FARS2: variants seen among roughly 807,000 people sequenced by gnomAD.
FARS2 encodes the protein phenylalanyl-tRNA synthetase 2, mitochondrial.
In FARS2, 40 loss-of-function variants were observed where a neutral mutation model predicts 46.4. The ratio of observed to expected loss-of-function variants is 0.86; its 90% CI spans 0.67 to 1.12. FARS2 has a LOEUF of 1.12. FARS2 is among the 50% of genes most tolerant of loss of function. The pLI is 0.00. For synonymous variants in FARS2, 234 were observed against 214.9 expected, an observed-to-expected ratio of 1.09 and a Z score of -0.78; for missense variants, 513 against 567.9, an observed-to-expected ratio of 0.90 and a Z score of 0.98.
At chr6:5,659,680 C>T (rs574905485) in intron 6 of FARS2, among the ~76,000 whole-genome samples, 1 of 152,304 alleles carries the variant, frequency 6.6e-6, no homozygotes, top group African/African-American at 2.4e-5. Context: ...AACAGAGTCA[C>T]TTAAATGCTA....
intron 5 of FARS2, among the ~76,000 whole-genome samples, chr6:5,598,267 C>T (rs1774316111): frequency 6.6e-6 from 1 of 152,118 alleles, no homozygotes; most frequent in Non-Finnish European, 1.5e-5. Context: ...CCTGTAGTTC[C>T]CGCTACTCTG....
At chr6:5,519,379 G>A (rs1454194267) in intron 4 of FARS2, among the ~76,000 whole-genome samples, 1 of 152,132 alleles carries the variant, frequency 6.6e-6, no homozygotes, top group Admixed American at 6.5e-5. Context: ...GAGAGTTGAG[G>A]AAGTGGAAAC....
chr6:5,576,797 T>C (rs9328315), intron 5 of FARS2, among the ~76,000 whole-genome samples: 11,616 of 151,926 alleles, frequency 0.076, 1,436 homozygotes, highest in African/African-American at 0.26. Context: ...CCTAAATAAA[T>C]AGAATTTTAT....
chr6:5,516,850 A>G (rs2150414989), intron 4 of FARS2, among the ~76,000 whole-genome samples: 1 of 152,326 alleles, frequency 6.6e-6, no homozygotes, highest in Admixed American at 6.5e-5. Flanking sequence ...TTCCAGCTTC[A>G]GTGGTGTGCA....
At chr6:5,336,754 C>A (rs576681107) in intron 1 of FARS2, among the ~76,000 whole-genome samples, 2 of 152,160 alleles carry the variant, frequency 1.3e-5, no homozygotes, top group East Asian at 3.9e-4. Context: ...CCTATTTTTT[C>A]AGATTAGTTT....
intron 1 of FARS2, among the ~76,000 whole-genome samples, chr6:5,295,740 C>T (rs1767810047): frequency 6.6e-6 from 1 of 152,130 alleles, no homozygotes; most frequent in Non-Finnish European, 1.5e-5. Context: ...AGACTCAGTT[C>T]AGAAATAGGT....
At position 5,462,897 on chromosome 6, in the gene FARS2, A is replaced by G. The variant is rs145954720; in HGVS notation, c.904+31725A>G. 5.6e-3 allele frequency among the ~76,000 whole-genome samples: 853 copies of G among 152,366 alleles called. 11 individuals are homozygous for G. The highest frequency in any genetic ancestry group is 0.019 in the African/African-American group (779 of 41,582). ...TTTAGATCATTTAGAGAAAATCGCC[A>G]TCTCAATAGTATTGAGTTAGGATGG... is the stretch of plus-strand genomic sequence containing the variant. On this transcript the variant is annotated intron_variant, in intron 4 of 6. Coordinates refer to ENST00000274680, the MANE Select transcript of FARS2 (RefSeq NM_006567.5).
At chr6:5,443,587 G>A (rs1430775799) in intron 4 of FARS2, among the ~76,000 whole-genome samples, 1 of 152,202 alleles carries the variant, frequency 6.6e-6, no homozygotes, top group East Asian at 1.9e-4. Context: ...GCCCTGTGTA[G>A]CTTGCTGGTT....
intron 6 of FARS2, among the ~76,000 whole-genome samples, chr6:5,686,457 G>T (rs1045510502): frequency 3.9e-5 from 6 of 152,142 alleles, no homozygotes; most frequent in African/African-American, 1.4e-4. Flanking sequence ...GTGGTGTTCG[G>T]TTTTTTGTCC....
At chr6:5,425,181 A>T (rs1156684574) in intron 3 of FARS2, among the ~76,000 whole-genome samples, 2 of 152,192 alleles carry the variant, frequency 1.3e-5, no homozygotes, top group African/African-American at 4.8e-5. Flanking sequence ...AGTTAATTTT[A>T]AAAAATTATT....
chr6:5,290,155 T>C (rs1767402199), intron 1 of FARS2, among the ~76,000 whole-genome samples: 1 of 152,212 alleles, frequency 6.6e-6, no homozygotes, highest in African/African-American at 2.4e-5. Flanking sequence ...TATTTTGATA[T>C]CCATACCCTT....
At chr6:5,600,186 A>G (rs935878879) in intron 5 of FARS2, among the ~76,000 whole-genome samples, 1 of 152,252 alleles carries the variant, frequency 6.6e-6, no homozygotes, top group Non-Finnish European at 1.5e-5. Context: ...TCAAAAGTTA[A>G]TTGAATACAA....
intron 6 of FARS2, among the ~76,000 whole-genome samples, chr6:5,713,688 G>A (rs1187623770): frequency 2.6e-5 from 4 of 152,228 alleles, no homozygotes; most frequent in Non-Finnish European, 2.9e-5. Context: ...AAGGTGCAAA[G>A]AGCACCGCTA....
chr6:5,336,107 A>G (rs1450670086), intron 1 of FARS2, among the ~76,000 whole-genome samples: 1 of 152,168 alleles, frequency 6.6e-6, no homozygotes, highest in African/African-American at 2.4e-5. Flanking sequence ...TTGCAGAGGT[A>G]TAAATCTAGT....
At chr6:5,679,272 A>G (rs953923536) in intron 6 of FARS2, among the ~76,000 whole-genome samples, 2 of 152,152 alleles carry the variant, frequency 1.3e-5, no homozygotes, top group African/African-American at 4.8e-5. Flanking sequence ...GCTGCACAAG[A>G]CATTAAAACT....
chr6:5,364,605 AGTGAGTATTT>A (rs1264619464), intron 1 of FARS2, among the ~76,000 whole-genome samples: 4 of 152,120 alleles, frequency 2.6e-5, no homozygotes, highest in Non-Finnish European at 5.9e-5. Flanking sequence ...CAGACCAGAG[AGTGAGTATTT>A]AGGCTTTGTG....
intron 6 of FARS2, among the ~76,000 whole-genome samples, chr6:5,705,836 C>T (rs1396530320): frequency 6.6e-6 from 1 of 152,142 alleles, no homozygotes; most frequent in Non-Finnish European, 1.5e-5. Context: ...ATCTCCAGTG[C>T]AACCGCACAC....
At chr6:5,588,486 A>G (rs1312373402) in intron 5 of FARS2, among the ~76,000 whole-genome samples, 2 of 152,236 alleles carry the variant, frequency 1.3e-5, no homozygotes, top group South Asian at 2.1e-4. Context: ...GTGTCTGCAT[A>G]TAAAAGCAAA....
chr6:5,309,862 T>C (rs1029154112), intron 1 of FARS2, among the ~76,000 whole-genome samples: 9 of 152,182 alleles, frequency 5.9e-5, no homozygotes, highest in Non-Finnish European at 7.4e-5. Flanking sequence ...ACAAAATTCA[T>C]CTGGAAAAAT....
Sources: gnomAD v4.1 joint callset for allele counts (sites outside exome capture counted in the v4.1 genomes callset) on GRCh38, gnomAD v4.1.1 for gene constraint, MANE v1.5 for transcripts, NCBI Gene and HGNC (gene_info 2026-07-23, HGNC 2026-07-21) for gene names.